Variants in KMT2A observed in about 807,000 individuals in gnomAD.
KMT2A encodes the protein histone-lysine N-methyltransferase 2A.
KMT2A carries 16 observed loss-of-function variants against 345.3 expected under a neutral mutation model. That is an observed-to-expected ratio of 0.05 (90% CI 0.03 to 0.07). The LOEUF is 0.07. Among genes scored for constraint, KMT2A ranks in the 10% least tolerant of loss-of-function variants. KMT2A has a pLI of 1.00. For missense variants in KMT2A, 3,272 were observed against 4,841.6 expected (o/e 0.68, Z 9.62); for synonymous variants, 1,599 against 1,778.6 (o/e 0.90, Z 2.54).
chr11:118,477,439 G>A (rs1469376857), intron 4 of KMT2A, among the ~76,000 whole-genome samples: 1 of 142,990 alleles, frequency 7.0e-6, no homozygotes, highest in African/African-American at 2.6e-5. Flanking sequence ...CTCGATTTTA[G>A]ATTAGACTTT....
rs562189014 is a variant in KMT2A at position 118,502,409 on chromosome 11, C to T, written c.6517C>T (p.Pro2173Ser). 1 of 1,597,758 alleles carries T rather than the reference C, an allele frequency of 6.3e-7. No homozygotes were observed. The highest frequency in any genetic ancestry group is 1.1e-5 in the South Asian group (1 of 89,158). The change falls in exon 27 of 36, where the codon CCA (proline) becomes TCA (serine). Residue 2173 changes from proline to serine, a missense_variant. Pro to Ser is a moderately conservative substitution (Grantham distance 74, BLOSUM62 -1). Coordinates refer to ENST00000534358, the MANE Select transcript of KMT2A (RefSeq NM_001197104.2). This position sits in a 1 kb window ranked among gnomAD's most constrained non-coding sequence, Gnocchi z 4.9. ...TCTCTCTTGTTTAGGAAGTCCTACC[C>T]CAACCACTCATGAAATAGTCACAGT... ...RPLPSAGSPT[P>S]TTHEIVTVGD...
At chr11:118,457,573 CT>C (rs1949670551) in intron 1 of KMT2A, among the ~76,000 whole-genome samples, 2 of 151,692 alleles carry the variant, frequency 1.3e-5, no homozygotes, top group African/African-American at 4.8e-5. Flanking sequence ...GCCTGACCGC[CT>C]TTTTTTCCCT....
rs1555039480 is a variant in KMT2A at position 118,482,102 on chromosome 11, G to A, written c.4012+10G>A. On this transcript the variant is annotated intron_variant, in intron 7 of 35. Coordinates refer to ENST00000534358, the MANE Select transcript of KMT2A (RefSeq NM_001197104.2). ...CCACCACCAGAATCAGGTGAGTGAG[G>A]AGGGCAAGAAGGAATTGCTGAACCA... The A allele has an allele frequency of 6.3e-7, 1 of 1,593,404 alleles. No homozygotes were observed. The highest frequency in any genetic ancestry group is 1.4e-5 in the African/African-American group (1 of 73,502).
chr11:118,503,444 C>G lies in KMT2A; in HGVS notation c.7552C>G (p.Pro2518Ala). Residue 2518 changes from proline to alanine, a missense_variant, in exon 27 of 36, where the codon CCA becomes GCA. Physicochemically the swap from Pro to Ala is conservative, Grantham distance 27 (BLOSUM62 -1). Around this residue, in one of 27 missense-constraint regions of KMT2A, gnomAD observed 445 missense variants for 500.9 expected, o/e 0.89. Coordinates refer to ENST00000534358, the MANE Select transcript of KMT2A (RefSeq NM_001197104.2). The surrounding 1 kb of genome is among the most constrained non-coding windows in gnomAD (Gnocchi z 5.3). ...VEGSAKELQA[P>A]RKRTVKVTLT... ...AGGATCTGCCAAGGAATTACAGGCA[C>G]CACGGAAACGCACAGTCAAAGTGAC... 2 of 1,614,024 alleles carry G rather than the reference C, an allele frequency of 1.2e-6. No homozygotes were observed. The highest frequency in any genetic ancestry group is 1.7e-6 in the Non-Finnish European group (2 of 1,179,946).
rs1950423860 is a variant in KMT2A at position 118,497,206 on chromosome 11, G to A, written c.5665-730G>A. Among the ~76,000 whole-genome samples the A allele has an allele frequency of 6.6e-6, 1 of 152,020 alleles. No individual in the cohort carries two copies. Among genetic ancestry groups the A allele is most frequent in the Non-Finnish European group, 1.5e-5 (1 of 68,012 alleles). On this transcript the variant is annotated intron_variant, in intron 20 of 35. Coordinates refer to ENST00000534358, the MANE Select transcript of KMT2A (RefSeq NM_001197104.2). This position sits in a 1 kb window ranked among gnomAD's most constrained non-coding sequence, Gnocchi z 4.8. ...TTTAGTAGAGACGGAGTTTCTCCAT[G>A]TTGGTCAGGCTGGTCTCAAACTCCC...
Position 118,505,767 on chromosome 11 carries a change from C to G in KMT2A, c.9875C>G (p.Ser3292Cys), listed in dbSNP as rs1173998301. The G allele has an allele frequency of 1.2e-6, 2 of 1,614,030 alleles. No individual in the cohort carries two copies. Among genetic ancestry groups the G allele is most frequent in the East Asian group, 4.5e-5 (2 of 44,892 alleles). The change falls in exon 27 of 36, where the codon TCT becomes TGT. Residue 3292 changes from serine to cysteine, a missense_variant. Ser to Cys is a moderately radical substitution (Grantham distance 112). This residue lies in a region of KMT2A where 748 missense variants were observed against 922.2 expected (regional missense o/e 0.81). Transcript: ENST00000534358. The surrounding 1 kb of genome is among the most constrained non-coding windows in gnomAD (Gnocchi z 4.6). ...ACTGTCCCCAACATCATAAAAAGAT[C>G]TAAATCTAGCATCATGTATTTTGAA... ...HRTVPNIIKR[S>C]KSSIMYFEPA... is the part of the protein sequence containing the mutation.
rs782623345 is a variant in KMT2A, at chr11:118,494,266, A to G, written c.5179-22A>G. 8.2e-7 allele frequency: 1 copy of G among 1,226,492 alleles called. No individual in the cohort carries two copies. Among genetic ancestry groups the G allele is most frequent in the Non-Finnish European group, 1.2e-6 (1 of 827,284 alleles). The allele number at this position is 1,226,492 out of a possible 1,614,324, so 76.0% of individuals were successfully genotyped here. ...AGAGCACACTGTTTTAAGAATAATT[A>G]ACATTTTGTTTTTGTATACAGTTGG... is the stretch of plus-strand genomic sequence containing the variant. On this transcript the variant is annotated intron_variant, in intron 16 of 35. Transcript: ENST00000534358. The surrounding 1 kb of genome is among the most constrained non-coding windows in gnomAD (Gnocchi z 5.8).
chr11:118,486,895 T>A (rs78418495), intron 10 of KMT2A, among the ~76,000 whole-genome samples: 16 of 151,982 alleles, frequency 1.1e-4, no homozygotes, highest in African/African-American at 3.6e-4. Flanking sequence ...CTCAAAAAAA[T>A]TTTTAAAAAT....
In KMT2A at chr11:118,520,214, C is replaced by T; in HGVS notation, c.11429+150C>T. ...ATTTGTGTTGAAGTAGCAGTAGGTGCCTGGTAAGGAGTGAGGAATATAAGG... is the reference window on the plus strand; with the variant it reads ...ATTTGTGTTGAAGTAGCAGTAGGTGTCTGGTAAGGAGTGAGGAATATAAGG... On this transcript the variant is annotated intron_variant, in intron 33 of 35. Transcript: ENST00000534358. The surrounding 1 kb of genome is among the most constrained non-coding windows in gnomAD (Gnocchi z 4.3). 1.6e-6 allele frequency: 1 copy of T among 617,018 alleles called. No homozygotes were observed. Among genetic ancestry groups the T allele is most frequent in the Non-Finnish European group, 2.9e-6 (1 of 348,330 alleles). 38.2% of individuals were successfully genotyped at this position (617,018 alleles called of 1,614,324 possible).
intron 1 of KMT2A, chr11:118,438,974 T>G: frequency 2.2e-6 from 1 of 459,164 alleles, no homozygotes; most frequent in Non-Finnish European, 4.4e-6. Context: ...ATTTATTGGT[T>G]GCTGTAGATT....
Position 118,451,122 on chromosome 11 carries a change from A to G in KMT2A, c.432+14178A>G, listed in dbSNP as rs578058102. 2.0e-4 allele frequency among the ~76,000 whole-genome samples: 31 copies of G among 152,112 alleles called. 1 individual carries two copies. The highest frequency in any genetic ancestry group is 2.4e-4 in the Non-Finnish European group (16 of 67,994). ...AAATCGAATTCATTTATCAAAGAACATCTTTTATACTCTAGGTGGATGACC... is the reference window on the plus strand; with the variant it reads ...AAATCGAATTCATTTATCAAAGAACGTCTTTTATACTCTAGGTGGATGACC... On this transcript the variant is annotated intron_variant, in intron 1 of 35. Transcript: ENST00000534358.
In KMT2A at chr11:118,526,265, CCTT is replaced by C. The variant is rs1403132848; in HGVS notation, c.*4094_*4096del. 4.5e-6 allele frequency: 1 copy of C among 221,178 alleles called. No homozygotes were observed. Among genetic ancestry groups the C allele is most frequent in the South Asian group, 1.8e-4 (1 of 5,422 alleles). 13.7% of individuals were successfully genotyped at this position (221,178 alleles called of 1,614,324 possible). A position where few individuals can be genotyped will look rare whatever the true frequency, so the allele number is the denominator to read the frequency against. On this transcript the variant is annotated 3_prime_UTR_variant, in exon 36 of 36. Coordinates refer to ENST00000534358, the MANE Select transcript of KMT2A (RefSeq NM_001197104.2). ...AATGTTGCCAGTCAGTACCTGTCCTCCTTGTTTCTCTATTTTTGGTTATGAATG... is the reference window on the plus strand; with the variant it reads ...AATGTTGCCAGTCAGTACCTGTCCTCGTTTCTCTATTTTTGGTTATGAATG...
chr11:118,500,963 A>AT (rs782555285), intron 24 of KMT2A, 24 bp from the exon 25 acceptor site: 1 of 1,593,632 alleles, frequency 6.3e-7, no homozygotes, highest in Non-Finnish European at 8.6e-7. Flanking sequence ...CCTTATGATG[A>AT]TTTTCCCAAA....
chr11:118,491,161 C>G lies in KMT2A; in HGVS notation c.4697-35C>G, dbSNP rs1367769858. On this transcript the variant is annotated intron_variant, in intron 13 of 35. Transcript: ENST00000534358. This position sits in a 1 kb window ranked among gnomAD's most constrained non-coding sequence, Gnocchi z 4.2. The stretch of plus-strand genomic sequence containing the variant: ...GGCCGTAAAAACACGGGTATGTGAG[C>G]CAAAGCACTGCTGTAAACTTTGCTT... 1.2e-6 allele frequency: 2 copies of G among 1,606,844 alleles called. No homozygotes were observed. The highest frequency in any genetic ancestry group is 1.7e-6 in the Non-Finnish European group (2 of 1,176,836).
intron 3 of KMT2A, 97 bp downstream of exon 3, chr11:118,474,412 A>G: frequency 2.8e-6 from 4 of 1,424,292 alleles, no homozygotes; most frequent in Non-Finnish European, 3.7e-6. Flanking sequence ...TCCAGTTATG[A>G]GAACCAAGAA....
intron 31 of KMT2A, among the ~76,000 whole-genome samples, chr11:118,513,776 A>C (rs1223887590): frequency 6.6e-6 from 1 of 151,636 alleles, no homozygotes; most frequent in Non-Finnish European, 1.5e-5. Flanking sequence ...ATATAAAAAA[A>C]AATTGTTTAA....
chr11:118,453,577 C>G (rs1292413753), intron 1 of KMT2A, among the ~76,000 whole-genome samples: 1 of 152,222 alleles, frequency 6.6e-6, no homozygotes, highest in African/African-American at 2.4e-5. Flanking sequence ...TCATCCAGGC[C>G]TCATCTATAC....
rs1208224016 is a variant in KMT2A, at chr11:118,520,523, C to T, written c.11430-279C>T. ...AAAATTAGCCCGGCGTGGTGGCGCGCGCCTGTAGTCCCACCTACTCAGCAG... is the reference window on the plus strand; with the variant it reads ...AAAATTAGCCCGGCGTGGTGGCGCGTGCCTGTAGTCCCACCTACTCAGCAG... On this transcript the variant is annotated intron_variant, in intron 33 of 35. Coordinates refer to ENST00000534358, the MANE Select transcript of KMT2A (RefSeq NM_001197104.2). The surrounding 1 kb of genome is among the most constrained non-coding windows in gnomAD (Gnocchi z 4.3). 33 of 418,562 alleles carry T rather than the reference C, an allele frequency of 7.9e-5. No individual in the cohort carries two copies. Among genetic ancestry groups the T allele is most frequent in the Non-Finnish European group, 9.5e-5 (22 of 231,860 alleles). The allele number at this position is 418,562 out of a possible 1,614,324, so 25.9% of individuals were successfully genotyped here. A position where few individuals can be genotyped will look rare whatever the true frequency, so the allele number is the denominator to read the frequency against.
rs141987822 is a variant in KMT2A at position 118,516,906 on chromosome 11, C to T, written c.11147-2712C>T. Among the ~76,000 whole-genome samples, 230 of 152,282 alleles carry T rather than the reference C, an allele frequency of 1.5e-3. 6 individuals carry two copies. In the East Asian group the frequency reaches 0.038, roughly 25 times the overall value. On this transcript the variant is annotated intron_variant, in intron 31 of 35. Coordinates refer to ENST00000534358, the MANE Select transcript of KMT2A (RefSeq NM_001197104.2). The stretch of plus-strand genomic sequence containing the variant: ...TGCATCTTTGTTTTCCCATTATCAA[C>T]ACAATATTAATCTCATTGTAATCTC...
Sources: allele counts gnomAD v4.1 joint callset (sites outside exome capture counted in the v4.1 genomes callset), GRCh38; gene constraint gnomAD v4.1.1; regional missense constraint gnomAD v4.1.1; non-coding constraint Gnocchi (gnomAD v3.1); transcripts MANE v1.5; gene names NCBI Gene and HGNC (gene_info 2026-07-23, HGNC 2026-07-21).